The following CLNK variants were observed in gnomAD, a reference collection of about 807,000 sequenced individuals.
CLNK encodes the protein cytokine dependent hematopoietic cell linker.
A neutral mutation model predicts 68.6 loss-of-function variants in CLNK; 74 were observed. The ratio of observed to expected loss-of-function variants is 1.08; its 90% CI spans 0.89 to 1.31. The LOEUF (loss-of-function observed/expected upper bound fraction) is 1.31, where lower values mean the gene tolerates loss of function less well. CLNK is among the 50% of genes most tolerant of loss of function. The pLI is 0.00. For synonymous variants in CLNK, 198 were observed against 172.2 expected (o/e 1.15, Z -1.17); for missense variants, 553 against 515.3 (o/e 1.07, Z -0.71).
intron 4 of CLNK, among the ~76,000 whole-genome samples, 157 bp downstream of exon 4, chr4:10,584,770 T>C (rs1439938326): frequency 6.6e-6 from 1 of 152,130 alleles, no homozygotes; most frequent in Non-Finnish European, 1.5e-5. Flanking sequence ...GATCAGGCTG[T>C]ACCCTGGGGC....
chr4:10,512,534 A>G (rs991842485), intron 16 of CLNK, among the ~76,000 whole-genome samples: 5 of 152,076 alleles, frequency 3.3e-5, no homozygotes, highest in Admixed American at 1.3e-4. Context: ...CCTGGCCAGG[A>G]TGTGAAAATA....
the CLNK span, among the ~76,000 whole-genome samples, chr4:10,722,865 C>T: frequency 2.6e-5 from 4 of 152,136 alleles, no homozygotes; most frequent in Non-Finnish European, 5.9e-5. Flanking sequence ...GCCTGGCCAG[C>T]ATGGCAAAAC....
chr4:10,617,738 A>T (rs1722291026), intron 2 of CLNK, among the ~76,000 whole-genome samples: 2 of 152,234 alleles, frequency 1.3e-5, no homozygotes, highest in South Asian at 4.1e-4. Flanking sequence ...AGACTGAAAA[A>T]GACGGAAAAA....
At chr4:10,699,309 A>ATGTG in the CLNK span, among the ~76,000 whole-genome samples, 1 of 28,556 alleles carries the variant, frequency 3.5e-5, no homozygotes, top group African/African-American at 1.2e-4. Context: ...CACACCACAT[A>ATGTG]CGTGTATACA....
the CLNK span, among the ~76,000 whole-genome samples, chr4:10,693,021 T>G: frequency 6.6e-6 from 1 of 152,212 alleles, no homozygotes; most frequent in Non-Finnish European, 1.5e-5. Flanking sequence ...ATAATTTTCA[T>G]GATAGGCTGG....
chr4:10,617,455 T>C (rs1322271719), intron 2 of CLNK, among the ~76,000 whole-genome samples: 1 of 152,218 alleles, frequency 6.6e-6, no homozygotes, highest in East Asian at 1.9e-4. Flanking sequence ...ATGTGATATG[T>C]AACTGTAAGG....
intron 3 of CLNK, among the ~76,000 whole-genome samples, chr4:10,596,268 G>T (rs536732915): frequency 1.3e-5 from 2 of 152,090 alleles, no homozygotes; most frequent in South Asian, 4.2e-4. Flanking sequence ...CAGGTGATCC[G>T]CCTGCCTCAG....
At chr4:10,558,094 G>C (rs1049285425) in intron 8 of CLNK, among the ~76,000 whole-genome samples, 1 of 151,990 alleles carries the variant, frequency 6.6e-6, no homozygotes, top group African/African-American at 2.4e-5. Flanking sequence ...CTTTTCTGGG[G>C]GTATGCTTGG....
chr4:10,734,690 A>C, the CLNK span, among the ~76,000 whole-genome samples: 1 of 152,238 alleles, frequency 6.6e-6, no homozygotes, highest in Non-Finnish European at 1.5e-5. Flanking sequence ...CAGAAAGCTC[A>C]TCCCTTTCTG....
At chr4:10,656,118 G>A (rs1446500063) in intron 2 of CLNK, among the ~76,000 whole-genome samples, 3 of 151,948 alleles carry the variant, frequency 2.0e-5, no homozygotes, top group Non-Finnish European at 2.9e-5. Context: ...GGAATTCAAC[G>A]TAGGAAGCTA....
chr4:10,514,713 A>T (rs1222274046), intron 15 of CLNK, among the ~76,000 whole-genome samples: 1 of 150,974 alleles, frequency 6.6e-6, no homozygotes, highest in Non-Finnish European at 1.5e-5. Flanking sequence ...TGTCCAAAAC[A>T]CCAAAAGCAA....
At chr4:10,706,589 A>G in the CLNK span, among the ~76,000 whole-genome samples, 1 of 152,220 alleles carries the variant, frequency 6.6e-6, no homozygotes, top group Non-Finnish European at 1.5e-5. Context: ...TGTATCTGTC[A>G]TCTGCATACA....
intron 2 of CLNK, among the ~76,000 whole-genome samples, chr4:10,665,127 T>C (rs1484734259): frequency 6.6e-6 from 1 of 152,214 alleles, no homozygotes; most frequent in Non-Finnish European, 1.5e-5. Context: ...CTCATCCTAA[T>C]GGGAGGAAGC....
intron 2 of CLNK, among the ~76,000 whole-genome samples, chr4:10,620,119 T>C (rs1722380061): frequency 6.6e-6 from 1 of 152,216 alleles, no homozygotes; most frequent in Admixed American, 6.5e-5. Flanking sequence ...GAACTGAGCA[T>C]GCGTCTCCTC....
rs536101883 is a variant in CLNK, at chr4:10,640,204, C to T, written c.11+27655G>A. On this transcript the variant is annotated intron_variant, in intron 2 of 18. Transcript: ENST00000226951. ...TTTTTGAGGCAGAGTCTTACTCTGTCGCCAGGCTGGAGTGCAGTGGCACGA... is the reference window on the plus strand; with the variant it reads ...TTTTTGAGGCAGAGTCTTACTCTGTTGCCAGGCTGGAGTGCAGTGGCACGA... Among the ~76,000 whole-genome samples, 34 of 151,486 alleles carry T rather than the reference C, an allele frequency of 2.2e-4. No individual in the cohort carries two copies. The South Asian group carries it at 5.4e-3, about 24-fold the overall frequency.
chr4:10,683,485 C>T (rs1725163373), intron 1 of CLNK, among the ~76,000 whole-genome samples: 3 of 152,188 alleles, frequency 2.0e-5, no homozygotes, highest in African/African-American at 7.2e-5. Flanking sequence ...GTTCACCATT[C>T]CAATCAGTCA....
chr4:10,605,638 C>T (rs943328395), intron 2 of CLNK, among the ~76,000 whole-genome samples: 2 of 151,592 alleles, frequency 1.3e-5, no homozygotes, highest in Non-Finnish European at 2.9e-5. Context: ...GACCATCCTG[C>T]CCAACATGGT....
At position 10,667,892 on chromosome 4, in the gene CLNK, A is replaced by C. The variant is rs767773720; in HGVS notation, c.-23T>G. ...CATAGTTCTTGGCACCTGGCGGGTA[A>C]GAGGGATCTTCAATTCAGCCTGTGG... is the stretch of plus-strand genomic sequence containing the variant. On this transcript the variant is annotated 5_prime_UTR_variant, in exon 2 of 19. Coordinates refer to ENST00000226951, the MANE Select transcript of CLNK (RefSeq NM_052964.4). 5.1e-6 allele frequency: 7 copies of C among 1,365,136 alleles called. No homozygotes were observed. Among genetic ancestry groups the C allele is most frequent in the African/African-American group, 2.0e-5 (1 of 50,660 alleles). The allele number at this position is 1,365,136 out of a possible 1,614,324, so 84.6% of individuals were successfully genotyped here.
At chr4:10,703,383 A>T in the CLNK span, among the ~76,000 whole-genome samples, 1 of 152,216 alleles carries the variant, frequency 6.6e-6, no homozygotes, top group East Asian at 1.9e-4. Flanking sequence ...AGAAGAAAAC[A>T]CATTTCTCAG....
Sources: gnomAD v4.1 joint callset for allele counts (sites outside exome capture counted in the v4.1 genomes callset) on GRCh38, gnomAD v4.1.1 for gene constraint, MANE v1.5 for transcripts, NCBI Gene and HGNC (gene_info 2026-07-23, HGNC 2026-07-21) for gene names.